ALPK1: variants seen among roughly 807,000 people sequenced by gnomAD.
The protein encoded by ALPK1 is alpha kinase 1, also known as alpha-protein kinase 1.
A neutral mutation model predicts 120.6 loss-of-function variants in ALPK1; 110 were observed. That is an observed-to-expected ratio of 0.91 (90% confidence interval 0.78 to 1.07). The LOEUF is 1.07. Among genes scored for constraint, ALPK1 ranks in the 50% least tolerant of loss-of-function variants. The pLI, the probability that ALPK1 is intolerant of heterozygous loss-of-function variation, is 0.00. For synonymous variants in ALPK1, 582 were observed against 560.3 expected (o/e 1.04, Z -0.55); for missense variants, 1,498 against 1,483.9 (o/e 1.01, Z -0.16).
At chr4:112,428,419 A>C (rs1385140541) in intron 9 of ALPK1, among the ~76,000 whole-genome samples, 1 of 152,206 alleles carries the variant, frequency 6.6e-6, no homozygotes, top group South Asian at 2.1e-4. Flanking sequence ...AACAGTAACC[A>C]TGCTCAATAC....
At chr4:112,327,044 G>C (rs1729147227) in intron 2 of ALPK1, among the ~76,000 whole-genome samples, 2 of 152,228 alleles carry the variant, frequency 1.3e-5, no homozygotes, top group Admixed American at 1.3e-4. Flanking sequence ...TAGGGAGACG[G>C]CCCCTGCCCA....
intron 2 of ALPK1, among the ~76,000 whole-genome samples, chr4:112,332,869 T>C (rs973752351): frequency 1.3e-5 from 2 of 152,218 alleles, no homozygotes; most frequent in Non-Finnish European, 2.9e-5. Context: ...CTAACTATTT[T>C]AGTTTCTTCA....
intron 4 of ALPK1, among the ~76,000 whole-genome samples, chr4:112,403,303 G>GA (rs981459304): frequency 1.8e-4 from 28 of 151,830 alleles, no homozygotes; most frequent in African/African-American, 6.8e-4. Context: ...GGCAGCAAAT[G>GA]AAAGTGGGTA....
Position 112,356,049 on chromosome 4 carries a change from C to T in ALPK1, c.-100-21629C>T. 6 of 781,538 alleles carry T rather than the reference C, an allele frequency of 7.7e-6. No individual in the cohort carries two copies. The South Asian group carries it at 8.5e-5, about 11-fold the overall frequency. The allele number at this position is 781,538 out of a possible 1,614,324, so 48.4% of individuals were successfully genotyped here. A position where few individuals can be genotyped will look rare whatever the true frequency, so the allele number is the denominator to read the frequency against. The stretch of plus-strand genomic sequence containing the variant: ...TCACTTACCAAGAGCGGCTGAGAGC[C>T]TGAGATGTTTGGAGTGTTTTTTTCT... On this transcript the variant is annotated intron_variant, in intron 2 of 15. Coordinates refer to ENST00000650871, the MANE Select transcript of ALPK1 (RefSeq NM_025144.4).
At chr4:112,398,383 C>T (rs977350583) in intron 4 of ALPK1, among the ~76,000 whole-genome samples, 19 of 151,982 alleles carry the variant, frequency 1.3e-4, no homozygotes, top group African/African-American at 4.4e-4. Flanking sequence ...ACCTCAAATT[C>T]CTCTGTTCAA....
rs1320704158 is a variant in ALPK1, at chr4:112,437,958, T to C, written c.3189-526T>C. 1.8e-4 allele frequency among the ~76,000 whole-genome samples: 27 copies of C among 152,256 alleles called. 1 individual carries two copies. Among genetic ancestry groups the C allele is most frequent in the Admixed American group, 1.8e-3 (27 of 15,284 alleles). On this transcript the variant is annotated intron_variant, in intron 12 of 15. Coordinates refer to ENST00000650871, the MANE Select transcript of ALPK1 (RefSeq NM_025144.4). The stretch of plus-strand genomic sequence containing the variant: ...TTGTGTCTTCCCACACCAACTGTGC[T>C]ATTAGCTCTTGAAATATACAAATCA...
At chr4:112,384,132 T>A (rs1732047194) in intron 4 of ALPK1, 1 of 152,212 alleles carries the variant, frequency 6.6e-6, no homozygotes, top group South Asian at 2.1e-4. Context: ...ACAAGGAAAT[T>A]AAGGTGCGAA....
chr4:112,387,376 C>G (rs903498341), intron 4 of ALPK1, among the ~76,000 whole-genome samples: 2 of 152,146 alleles, frequency 1.3e-5, no homozygotes, highest in Non-Finnish European at 2.9e-5. Context: ...TTGAACATTC[C>G]CTGCACAGGT....
At chr4:112,427,835 C>G (rs761174009) in intron 9 of ALPK1, 170 bp downstream of exon 9, 47 of 582,682 alleles carry the variant, frequency 8.1e-5, no homozygotes, top group Admixed American at 4.6e-4. Context: ...TCCTATTTGG[C>G]TTTATTATCC....
At chr4:112,427,821 G>A in intron 9 of ALPK1, 156 bp downstream of exon 9, 2 of 614,678 alleles carry the variant, frequency 3.3e-6, no homozygotes, top group South Asian at 3.9e-5. Flanking sequence ...GGAGTCTTGT[G>A]GGGTCCTATT....
rs758390294 is a variant in ALPK1 at position 112,429,225 on chromosome 4, A to C, written c.872A>C (p.Tyr291Ser). 2.2e-5 allele frequency: 36 copies of C among 1,612,814 alleles called. No individual in the cohort carries two copies. The highest frequency in any genetic ancestry group is 3.0e-5 in the Non-Finnish European group (35 of 1,179,952). Residue 291 changes from tyrosine to serine, a missense_variant, in exon 10 of 16, where the codon TAT becomes TCT. Physicochemically the swap from Tyr to Ser is moderately radical, Grantham distance 144 (BLOSUM62 -2). Coordinates refer to ENST00000650871, the MANE Select transcript of ALPK1 (RefSeq NM_025144.4). ...ACKLAAAFSA[Y>S]TPLFVLTAVN... ...AAGCTGGCAGCTGCCTTCAGTGCCT[A>C]TACGCCGCTCTTCGTGCTCACAGCT...
intron 11 of ALPK1, among the ~76,000 whole-genome samples, chr4:112,434,165 T>C (rs1734694663): frequency 6.6e-6 from 1 of 152,244 alleles, no homozygotes; most frequent in Non-Finnish European, 1.5e-5. Context: ...TGCTAATTTA[T>C]GGATGAAATA....
rs751868470 is a variant in ALPK1 at position 112,432,251 on chromosome 4, A to C, written c.2704A>C (p.Ser902Arg). 1.3e-5 allele frequency: 21 copies of C among 1,614,202 alleles called. No homozygotes were observed. Among genetic ancestry groups the C allele is most frequent in the Non-Finnish European group, 1.4e-5 (16 of 1,180,038 alleles). ...CGGTAACATCCTCTTCCCTGTCCTC[A>C]GCGAGGACTGCACTACCACAGAGGA... ...VSGNILFPVL[S>R]EDCTTTEEGN... Residue 902 changes from serine (S) to arginine (R), a missense_variant, in exon 11 of 16, where the codon AGC (serine) becomes CGC (arginine). Coordinates refer to ENST00000650871, the MANE Select transcript of ALPK1 (RefSeq NM_025144.4).
intron 10 of ALPK1, 33 bp from the exon 11 acceptor site, chr4:112,430,415 A>G (rs778178671): frequency 1.5e-5 from 23 of 1,522,436 alleles, no homozygotes; most frequent in Non-Finnish European, 1.4e-5. Context: ...TTTTCAATTC[A>G]ATATCTGATT....
Position 112,328,704 on chromosome 4 carries a change from A to G in ALPK1, c.-101+12852A>G, listed in dbSNP as rs574674617. Among the ~76,000 whole-genome samples, 57 of 152,288 alleles carry G rather than the reference A, an allele frequency of 3.7e-4. 1 individual carries two copies. Among genetic ancestry groups the G allele is most frequent in the African/African-American group, 1.4e-3 (57 of 41,558 alleles). On this transcript the variant is annotated intron_variant, in intron 2 of 15. Coordinates refer to ENST00000650871, the MANE Select transcript of ALPK1 (RefSeq NM_025144.4). Reference sequence around the variant, plus strand: ...ATGAATCTTTTTTCCTTAAAATTCTACTTTGGAGGACTAGTTTTACTGTCC... The same window carrying G: ...ATGAATCTTTTTTCCTTAAAATTCTGCTTTGGAGGACTAGTTTTACTGTCC...
chr4:112,308,097 G>C (rs898929164), intron 1 of ALPK1, among the ~76,000 whole-genome samples: 1 of 152,108 alleles, frequency 6.6e-6, no homozygotes, highest in Non-Finnish European at 1.5e-5. Flanking sequence ...CTGGCTTGTA[G>C]AGTTTCTGCC....
chr4:112,346,065 G>A (rs1479217752), intron 2 of ALPK1, among the ~76,000 whole-genome samples: 1 of 152,190 alleles, frequency 6.6e-6, no homozygotes, highest in African/African-American at 2.4e-5. Flanking sequence ...GTTTCTCCAT[G>A]TTGATCAGGC....
rs1200967614 is a variant in ALPK1, at chr4:112,431,742, T to C, written c.2195T>C (p.Met732Thr). Residue 732 changes from methionine to threonine, a missense_variant, in exon 11 of 16, where the codon ATG (methionine) becomes ACG (threonine). Physicochemically the swap from Met to Thr is moderately conservative, Grantham distance 81 (BLOSUM62 -1). Coordinates refer to ENST00000650871, the MANE Select transcript of ALPK1 (RefSeq NM_025144.4). ...TCTGATTCTGGTAGGCCCAAGAATA[T>C]GGGCACACATCCTTCAGTCCAAAAA... is the stretch of plus-strand genomic sequence containing the variant. Reference protein sequence around the residue: ...WSSDSGRPKNMGTHPSVQKEE... With the variant: ...WSSDSGRPKNTGTHPSVQKEE... 2 of 1,614,168 alleles carry C rather than the reference T, an allele frequency of 1.2e-6. No homozygotes were observed. The highest frequency in any genetic ancestry group is 1.7e-6 in the Non-Finnish European group (2 of 1,180,028).
chr4:112,303,649 TC>T (rs1245026178), intron 1 of ALPK1, among the ~76,000 whole-genome samples: 1 of 152,018 alleles, frequency 6.6e-6, no homozygotes, highest in Non-Finnish European at 1.5e-5. Flanking sequence ...TTCAGATGCC[TC>T]CTTTTCTGAG....
Sources: allele counts gnomAD v4.1 joint callset (sites outside exome capture counted in the v4.1 genomes callset), GRCh38; gene constraint gnomAD v4.1.1; transcripts MANE v1.5; gene names NCBI Gene and HGNC (gene_info 2026-07-23, HGNC 2026-07-21).